Variants in DOCK11 observed in about 807,000 individuals in gnomAD.
DOCK11 encodes dedicator of cytokinesis 11.
Under a neutral mutation model 169.1 loss-of-function variants are expected in DOCK11, and 70 were observed. That is an observed-to-expected ratio of 0.41 (90% CI 0.34 to 0.51). The LOEUF is 0.51. DOCK11 is among the 20% of genes least tolerant of loss of function. DOCK11 has a pLI of 0.10. For missense variants in DOCK11, 1,166 were observed against 1,538.8 expected (o/e 0.76, Z 4.05); for synonymous variants, 529 against 541.3 (o/e 0.98, Z 0.32).
At chrX:118,562,976 G>A (rs2012960935) in intron 7 of DOCK11, among the ~76,000 whole-genome samples, 2 of 112,307 alleles carry the variant, frequency 1.8e-5, no homozygotes, top group Non-Finnish European at 3.8e-5. Flanking sequence ...ATAATTACCA[G>A]GGTTCTGCAC....
At chrX:118,542,178 T>A (rs2012034226) in intron 1 of DOCK11, among the ~76,000 whole-genome samples, 1 of 109,233 alleles carries the variant, frequency 9.2e-6, no homozygotes, top group African/African-American at 3.3e-5. Flanking sequence ...TCCAGAACTT[T>A]TTTTTTTTTT....
intron 23 of DOCK11, among the ~76,000 whole-genome samples, chrX:118,605,019 G>A (rs967117581): frequency 8.9e-6 from 1 of 111,987 alleles, no homozygotes; most frequent in African/African-American, 3.2e-5. Flanking sequence ...ATTAGCTTTA[G>A]TAAAGTGTTT....
Position 118,685,946 on chromosome X carries a change from G to A in DOCK11, c.*139G>A. 1 of 801,682 alleles carries A rather than the reference G, an allele frequency of 1.2e-6. No individual in the cohort carries two copies. Among genetic ancestry groups the A allele is most frequent in the Non-Finnish European group, 1.7e-6 (1 of 591,792 alleles). 66.1% of individuals were successfully genotyped at this position (801,682 alleles called of 1,213,427 possible). A position where few individuals can be genotyped will look rare whatever the true frequency, so the allele number is the denominator to read the frequency against. ...AAATTTTCATGTGTTCCAACAGGGT[G>A]CTTACATATTTGTAAATAAGCAACT... is the stretch of plus-strand genomic sequence containing the variant. On this transcript the variant is annotated 3_prime_UTR_variant, in exon 53 of 53. Transcript: ENST00000276202.
At chrX:118,636,921 G>T (rs2015406284) in intron 36 of DOCK11, among the ~76,000 whole-genome samples, 1 of 111,816 alleles carries the variant, frequency 8.9e-6, no homozygotes, top group Admixed American at 9.5e-5. Flanking sequence ...GACATGGGAA[G>T]TTGTCCTATA....
chrX:118,643,600 G>A lies in DOCK11; in HGVS notation c.4398+6G>A, dbSNP rs756482404. ...TGAGAGCTTTCATCAGTAAGGTAAG[G>A]ACAGAAGCTTGGGAGCAGCCGGTGG... On this transcript the variant is annotated splice_donor_region_variant and intron_variant, in intron 40 of 52. Coordinates refer to ENST00000276202, the MANE Select transcript of DOCK11 (RefSeq NM_144658.4). 3.2e-5 allele frequency: 38 copies of A among 1,206,040 alleles called. No individual in the cohort carries two copies. The Admixed American group carries it at 7.4e-4, about 23-fold the overall frequency.
intron 52 of DOCK11, among the ~76,000 whole-genome samples, chrX:118,684,358 G>T (rs1350607165): frequency 1.1e-5 from 1 of 94,391 alleles, no homozygotes; most frequent in East Asian, 3.6e-4. Flanking sequence ...TGCAACCTCC[G>T]CCTCCCGGAT....
At chrX:118,614,414 G>A (rs1367032326) in intron 28 of DOCK11, among the ~76,000 whole-genome samples, 4 of 111,144 alleles carry the variant, frequency 3.6e-5, no homozygotes, top group African/African-American at 9.8e-5. Context: ...ATGTATGTGT[G>A]TGTATGTATA....
At position 118,627,500 on chromosome X, in the gene DOCK11, A is replaced by G. The variant is rs1233456790; in HGVS notation, c.3589-4A>G. The G allele has an allele frequency of 1.7e-6, 2 of 1,199,495 alleles. No homozygotes were observed. Among genetic ancestry groups the G allele is most frequent in the South Asian group, 1.8e-5 (1 of 56,519 alleles). On this transcript the variant is annotated splice_polypyrimidine_tract_variant and splice_region_variant and intron_variant, in intron 32 of 52. Transcript: ENST00000276202. Reference sequence around the variant, plus strand: ...AATGACACAGGTATCATATTCTGTTACAGGCATCCAGAGATGAGTTTCCAT... The same window carrying G: ...AATGACACAGGTATCATATTCTGTTGCAGGCATCCAGAGATGAGTTTCCAT...
At chrX:118,507,640 G>A (rs183278031) in intron 1 of DOCK11, among the ~76,000 whole-genome samples, 10 of 112,042 alleles carry the variant, frequency 8.9e-5, no homozygotes, top group African/African-American at 3.2e-4. Flanking sequence ...ATGAGCCACC[G>A]TGCCCGGCCC....
intron 1 of DOCK11, among the ~76,000 whole-genome samples, chrX:118,507,597 G>A (rs1039578573): frequency 3.6e-5 from 4 of 111,788 alleles, no homozygotes; most frequent in Admixed American, 9.5e-5. Context: ...TGATCCATCC[G>A]CCTGGGCCTC....
chrX:118,618,918 C>A (rs900072944), intron 31 of DOCK11, among the ~76,000 whole-genome samples, 190 bp downstream of exon 31: 13 of 109,862 alleles, frequency 1.2e-4, no homozygotes, highest in African/African-American at 4.3e-4. Context: ...AGTGCAGTGG[C>A]ATGATCTCGG....
Position 118,573,878 on chromosome X carries a change from G to A in DOCK11, c.1249G>A (p.Val417Ile), listed in dbSNP as rs1269111155. ...TTGTAAGATTTCAGCAGACTTTCATGTAGACCTGAATCCCCCATCTGTCCG... is the reference window on the plus strand; with the variant it reads ...TTGTAAGATTTCAGCAGACTTTCATATAGACCTGAATCCCCCATCTGTCCG... ...NNCKISADFH[V>I]DLNPPSVREM... is the part of the protein sequence containing the mutation. Residue 417 changes from valine (V) to isoleucine (I), a missense_variant, in exon 12 of 53, where the codon GTA becomes ATA. Transcript: ENST00000276202. The A allele has an allele frequency of 1.7e-6, 2 of 1,211,197 alleles. No homozygotes were observed. The highest frequency in any genetic ancestry group is 2.2e-5 in the Admixed American group (1 of 45,968).
At chrX:118,544,690 C>T (rs1451443185) in intron 4 of DOCK11, among the ~76,000 whole-genome samples, 34 of 52,550 alleles carry the variant, frequency 6.5e-4, no homozygotes, top group African/African-American at 2.2e-3. Context: ...GACAGAGTTT[C>T]GCTCTTGTCA....
chrX:118,646,614 G>A (rs1365926297), intron 40 of DOCK11, among the ~76,000 whole-genome samples: 2 of 111,733 alleles, frequency 1.8e-5, no homozygotes, highest in African/African-American at 6.5e-5. Context: ...ACTCAGAGAA[G>A]TGAGTGATGT....
chrX:118,661,021 T>A (rs1350995729), intron 44 of DOCK11, among the ~76,000 whole-genome samples: 2 of 108,715 alleles, frequency 1.8e-5, no homozygotes, highest in Non-Finnish European at 3.8e-5. Context: ...CCATCCTGGG[T>A]AACATGGCAA....
rs776101405 is a variant in DOCK11 at position 118,641,156 on chromosome X, T to C, written c.4145-34T>C. ...CAACACCATTATGTGCATCTTCGTGTTGGGAAAAGTTTAATTTACTTTTTT... is the reference window on the plus strand; with the variant it reads ...CAACACCATTATGTGCATCTTCGTGCTGGGAAAAGTTTAATTTACTTTTTT... On this transcript the variant is annotated intron_variant, in intron 38 of 52. Transcript: ENST00000276202. 4.8e-6 allele frequency: 5 copies of C among 1,044,544 alleles called. No homozygotes were observed. The South Asian group carries it at 7.5e-5, about 16-fold the overall frequency. The allele number at this position is 1,044,544 out of a possible 1,213,427, so 86.1% of individuals were successfully genotyped here.
chrX:118,661,351 G>A (rs897551048), intron 44 of DOCK11, among the ~76,000 whole-genome samples: 1 of 111,648 alleles, frequency 9.0e-6, no homozygotes, highest in Non-Finnish European at 1.9e-5. Flanking sequence ...GAAGATACAT[G>A]TCTAGTGATT....
At chrX:118,565,049 C>T (rs1264173511) in intron 7 of DOCK11, among the ~76,000 whole-genome samples, 1 of 110,676 alleles carries the variant, frequency 9.0e-6, no homozygotes, top group Non-Finnish European at 1.9e-5. Context: ...GATCCTCCCA[C>T]CTCAGCCCCA....
At chrX:118,545,235 T>G in intron 4 of DOCK11, 88 bp from the exon 5 acceptor site, 3 of 605,279 alleles carry the variant, frequency 5.0e-6, no homozygotes, top group Middle Eastern at 3.4e-4. Context: ...GCTTTTACTG[T>G]TGTTGTCATT....
Sources: gnomAD v4.1 joint callset for allele counts (sites outside exome capture counted in the v4.1 genomes callset) on GRCh38, gnomAD v4.1.1 for gene constraint, MANE v1.5 for transcripts, NCBI Gene and HGNC (gene_info 2026-07-23, HGNC 2026-07-21) for gene names.